VAMP4: variants seen among roughly 807,000 people sequenced by gnomAD.
VAMP4 encodes the protein vesicle associated membrane protein 4.
VAMP4 carries 19 observed loss-of-function variants against 23.5 expected under a neutral mutation model. That is an observed-to-expected ratio of 0.81 (90% CI 0.56 to 1.19). The LOEUF (loss-of-function observed/expected upper bound fraction) is 1.19, where lower values mean the gene tolerates loss of function less well. Among genes scored for constraint, VAMP4 ranks in the 50% most tolerant of loss-of-function variants. The pLI is 0.00. For missense variants in VAMP4, 145 were observed against 168.6 expected, an observed-to-expected ratio of 0.86 and a Z score of 0.78; for synonymous variants, 31 against 51.0, an observed-to-expected ratio of 0.61 and a Z score of 1.67.
In VAMP4 at chr1:171,703,419, T is replaced by TGTG. The variant is rs1553258233; in HGVS notation, c.*1086_*1087insCAC. 0.033 allele frequency: 2,865 copies of TGTG among 87,814 alleles called. 78 individuals carry two copies. The highest frequency in any genetic ancestry group is 0.064 in the Middle Eastern group (12 of 188). 5.4% of individuals were successfully genotyped at this position (87,814 alleles called of 1,614,324 possible). A position where few individuals can be genotyped will look rare whatever the true frequency, so the allele number is the denominator to read the frequency against. ...TGTGTGTGTGTGTGTGTGTGTGTGT[T>TGTG]TGTGTGTATATATATATATATATAT... is the stretch of plus-strand genomic sequence containing the variant. On this transcript the variant is annotated 3_prime_UTR_variant, in exon 8 of 8. Coordinates refer to ENST00000236192, the MANE Select transcript of VAMP4 (RefSeq NM_003762.5).
chr1:171,739,202 C>G lies in VAMP4; in HGVS notation c.-49-739G>C, dbSNP rs538682925. 2.6e-5 allele frequency among the ~76,000 whole-genome samples: 4 copies of G among 152,254 alleles called. No individual in the cohort carries two copies. In the East Asian group the frequency reaches 7.7e-4, roughly 29 times the overall value. On this transcript the variant is annotated intron_variant, in intron 1 of 7. Coordinates refer to ENST00000236192, the MANE Select transcript of VAMP4 (RefSeq NM_003762.5). ...AGACTGGGACTTTACAGCCCCACCC[C>G]CTAGCTTCCTGGAAGGGGAGGAGGG...
chr1:171,713,400 T>C (rs1654917976), intron 4 of VAMP4, among the ~76,000 whole-genome samples: 1 of 152,110 alleles, frequency 6.6e-6, no homozygotes, highest in African/African-American at 2.4e-5. Context: ...GATCAGATTA[T>C]AGCTATTATG....
chr1:171,738,438 T>C lies in VAMP4; in HGVS notation c.-24A>G, dbSNP rs906599580. ...ATATTTTTTACTTGCAAAGTATCTTTTGCTTCTCAACAGGATAGTCACCAC... is the reference window on the plus strand; with the variant it reads ...ATATTTTTTACTTGCAAAGTATCTTCTGCTTCTCAACAGGATAGTCACCAC... On this transcript the variant is annotated 5_prime_UTR_variant, in exon 2 of 8. Transcript: ENST00000236192. 5.6e-6 allele frequency: 9 copies of C among 1,612,184 alleles called. No homozygotes were observed. The African/African-American group carries it at 1.2e-4, about 22-fold the overall frequency.
intron 6 of VAMP4, among the ~76,000 whole-genome samples, chr1:171,708,698 TAA>T (rs58332156): frequency 1.7e-4 from 22 of 131,670 alleles, no homozygotes; most frequent in South Asian, 4.9e-4. Flanking sequence ...CCGTCTCTAC[TAA>T]AAAAAAAAAA....
Position 171,704,149 on chromosome 1 carries a change from C to A in VAMP4, c.*357G>T. ...TCCTGACCCCCAGCATGACCCGCTC[C>A]CTAATGCAATAATGCAAGTCCTTAT... On this transcript the variant is annotated 3_prime_UTR_variant, in exon 8 of 8. Coordinates refer to ENST00000236192, the MANE Select transcript of VAMP4 (RefSeq NM_003762.5). 6.3e-6 allele frequency: 1 copy of A among 159,948 alleles called. No individual in the cohort carries two copies. The highest frequency in any genetic ancestry group is 1.4e-5 in the Non-Finnish European group (1 of 72,978). The allele number at this position is 159,948 out of a possible 1,614,324, so 9.9% of individuals were successfully genotyped here.
intron 3 of VAMP4, 49 bp downstream of exon 3, chr1:171,728,474 AT>A (rs1655446403): frequency 7.1e-7 from 1 of 1,411,308 alleles, no homozygotes; most frequent in Non-Finnish European, 9.6e-7. Context: ...AGATATATGC[AT>A]GTATTGTATG....
chr1:171,705,322 T>C (rs1287388694), intron 7 of VAMP4, among the ~76,000 whole-genome samples: 3 of 152,140 alleles, frequency 2.0e-5, no homozygotes, highest in African/African-American at 4.8e-5. Context: ...ACAGCTCTCT[T>C]GTACTGAGCA....
chr1:171,722,067 A>T (rs1655214137), intron 3 of VAMP4, among the ~76,000 whole-genome samples: 1 of 152,172 alleles, frequency 6.6e-6, no homozygotes, highest in Non-Finnish European at 1.5e-5. Context: ...ATATAGACCA[A>T]TGGAACAGAA....
chr1:171,735,195 T>C (rs770191849), intron 2 of VAMP4, among the ~76,000 whole-genome samples: 119 of 152,202 alleles, frequency 7.8e-4, no homozygotes, highest in Non-Finnish European at 1.4e-3. Flanking sequence ...ACAACAAATT[T>C]ACGTTCAGCA....
chr1:171,740,860 G>T (rs1317608226), intron 1 of VAMP4, among the ~76,000 whole-genome samples: 1 of 152,144 alleles, frequency 6.6e-6, no homozygotes, highest in Non-Finnish European at 1.5e-5. Flanking sequence ...TTAATCCCAA[G>T]AAACCATGTG....
rs1469491171 is a variant in VAMP4, at chr1:171,710,735, C to G, written c.244G>C (p.Asp82His). 6.2e-7 allele frequency: 1 copy of G among 1,607,934 alleles called. No homozygotes were observed. The change falls in exon 5 of 8, where the codon GAT (aspartate) becomes CAT (histidine). Residue 82 changes from aspartate to histidine, a missense_variant. Asp to His is a moderately conservative substitution (Grantham distance 81). Coordinates refer to ENST00000236192, the MANE Select transcript of VAMP4 (RefSeq NM_003762.5). ...TKVIERGERL[D>H]ELQDKSESLS... ...GTACCTGATTTGTCCTGTAGTTCAT[C>G]TAGTCTCTCCCCTCTCTCAATTACC...
chr1:171,729,814 C>T lies in VAMP4; in HGVS notation c.67-1244G>A, dbSNP rs1655501748. On this transcript the variant is annotated intron_variant, in intron 2 of 7. Transcript: ENST00000236192. ...AGCTGGGACTACAGGCGCATGCCACCACACCTGGCTAATACAGTCACCAAA... is the reference window on the plus strand; with the variant it reads ...AGCTGGGACTACAGGCGCATGCCACTACACCTGGCTAATACAGTCACCAAA... Among the ~76,000 whole-genome samples, 3 of 152,166 alleles carry T rather than the reference C, an allele frequency of 2.0e-5. No homozygotes were observed. In the South Asian group the frequency reaches 6.2e-4, roughly 32 times the overall value.
intron 7 of VAMP4, among the ~76,000 whole-genome samples, chr1:171,705,020 T>C (rs2124835042): frequency 6.6e-6 from 1 of 152,216 alleles, no homozygotes; most frequent in South Asian, 2.1e-4. Context: ...TATACATGAT[T>C]GATTCTTGGT....
intron 2 of VAMP4, among the ~76,000 whole-genome samples, chr1:171,731,947 G>C (rs909634128): frequency 1.3e-5 from 2 of 152,008 alleles, no homozygotes; most frequent in African/African-American, 4.8e-5. Flanking sequence ...TAATAGCAAC[G>C]AATGTTTAAA....
At chr1:171,711,223 A>AG (rs146383522) in intron 4 of VAMP4, among the ~76,000 whole-genome samples, 2 of 152,236 alleles carry the variant, frequency 1.3e-5, no homozygotes, top group African/African-American at 4.8e-5. Context: ...TCATACATGA[A>AG]GGCTAACAAA....
At chr1:171,735,981 G>A (rs569480782) in intron 2 of VAMP4, among the ~76,000 whole-genome samples, 1 of 152,188 alleles carries the variant, frequency 6.6e-6, no homozygotes, top group Non-Finnish European at 1.5e-5. Flanking sequence ...CTGCCTCCCA[G>A]ATTCAAGCAA....
intron 2 of VAMP4, among the ~76,000 whole-genome samples, chr1:171,734,759 C>A (rs968543647): frequency 2.6e-5 from 4 of 152,054 alleles, no homozygotes; most frequent in Admixed American, 6.6e-5. Context: ...TCTCTTGAAA[C>A]AGTCAATTTT....
At chr1:171,714,184 G>C (rs989393929) in intron 4 of VAMP4, among the ~76,000 whole-genome samples, 2 of 152,122 alleles carry the variant, frequency 1.3e-5, no homozygotes, top group African/African-American at 4.8e-5. Context: ...TTTTGTAGAA[G>C]AAAGAAAATG....
At chr1:171,717,013 C>T (rs1422776161) in intron 4 of VAMP4, among the ~76,000 whole-genome samples, 4 of 152,122 alleles carry the variant, frequency 2.6e-5, no homozygotes, top group Non-Finnish European at 5.9e-5. Context: ...CATAAATATA[C>T]AAATTCATGT....
Sources: allele counts gnomAD v4.1 joint callset (sites outside exome capture counted in the v4.1 genomes callset), GRCh38; gene constraint gnomAD v4.1.1; transcripts MANE v1.5; gene names NCBI Gene and HGNC (gene_info 2026-07-23, HGNC 2026-07-21).